The following LDLRAD4 variants were observed in gnomAD, a reference collection of about 807,000 sequenced individuals.
The protein encoded by LDLRAD4 is low density lipoprotein receptor class A domain containing 4, also known as low-density lipoprotein receptor class A domain-containing protein 4.
In LDLRAD4, 5 loss-of-function variants were observed where a neutral mutation model predicts 17.0. The ratio of observed to expected loss-of-function variants is 0.29; its 90% CI spans 0.15 to 0.62. The LOEUF is 0.62. Among genes scored for constraint, LDLRAD4 ranks in the 20% least tolerant of loss-of-function variants. The pLI, the probability that LDLRAD4 is intolerant of heterozygous loss-of-function variation, is 0.84. For missense variants in LDLRAD4, 340 were observed against 424.7 expected, an observed-to-expected ratio of 0.80 and a Z score of 1.75; for synonymous variants, 168 against 171.8, an observed-to-expected ratio of 0.98 and a Z score of 0.17.
intron 1 of LDLRAD4, among the ~76,000 whole-genome samples, chr18:13,354,871 G>A (rs1042783870): frequency 6.6e-6 from 1 of 152,182 alleles, no homozygotes; most frequent in African/African-American, 2.4e-5. Context: ...GCAGCTTAGG[G>A]TGGACCTTGT....
intron 1 of LDLRAD4, among the ~76,000 whole-genome samples, chr18:13,291,517 G>C (rs2045961489): frequency 6.6e-6 from 1 of 152,118 alleles, no homozygotes; most frequent in Admixed American, 6.5e-5. Flanking sequence ...GAGCTGCGGG[G>C]ACCTGGCCGG....
At chr18:13,550,594 G>A (rs112807339) in intron 3 of LDLRAD4, among the ~76,000 whole-genome samples, 3 of 152,332 alleles carry the variant, frequency 2.0e-5, no homozygotes, top group Non-Finnish European at 4.4e-5. Flanking sequence ...GAGTGCTGGC[G>A]ATGTTGATGC....
At chr18:13,506,538 GACCAAC>G (rs2093696950) in intron 3 of LDLRAD4, among the ~76,000 whole-genome samples, 1 of 151,976 alleles carries the variant, frequency 6.6e-6, no homozygotes, top group African/African-American at 2.4e-5. Context: ...GGGTGACAGG[GACCAAC>G]ACAGCTACAT....
chr18:13,572,221 G>T (rs1940913), intron 3 of LDLRAD4, among the ~76,000 whole-genome samples: 1 of 152,028 alleles, frequency 6.6e-6, no homozygotes, highest in Non-Finnish European at 1.5e-5. Context: ...CTACATTGGG[G>T]GTAGTGAAAT....
intron 3 of LDLRAD4, among the ~76,000 whole-genome samples, chr18:13,447,893 G>A (rs745840547): frequency 6.6e-6 from 1 of 152,200 alleles, no homozygotes; most frequent in East Asian, 1.9e-4. Context: ...GCAATGAGAC[G>A]CCGGCTTAAG....
intron 3 of LDLRAD4, among the ~76,000 whole-genome samples, chr18:13,551,359 G>A (rs1333775072): frequency 6.6e-6 from 1 of 152,150 alleles, no homozygotes; most frequent in Admixed American, 6.5e-5. Flanking sequence ...GATCTGTTTT[G>A]TTTTTAGTCT....
At chr18:13,459,035 C>G (rs1250885728) in intron 3 of LDLRAD4, among the ~76,000 whole-genome samples, 2 of 152,030 alleles carry the variant, frequency 1.3e-5, no homozygotes, top group African/African-American at 4.8e-5. Flanking sequence ...GTTTTAAGGC[C>G]AGGTGTGGTG....
chr18:13,484,875 C>T (rs915721849), intron 3 of LDLRAD4, among the ~76,000 whole-genome samples: 7 of 151,944 alleles, frequency 4.6e-5, no homozygotes, highest in Non-Finnish European at 1.0e-4. Flanking sequence ...TTAAGCCCAC[C>T]CTTGGATGCA....
At chr18:13,424,184 A>G (rs541849568) in intron 2 of LDLRAD4, among the ~76,000 whole-genome samples, 2 of 152,192 alleles carry the variant, frequency 1.3e-5, no homozygotes, top group East Asian at 3.9e-4. Flanking sequence ...TTTATTGGCT[A>G]CTGATTTGGA....
rs1424782699 is a variant in LDLRAD4, at chr18:13,621,854, T to G, written c.336+583T>G. On this transcript the variant is annotated intron_variant, in intron 4 of 5. Transcript: ENST00000359446. The surrounding 1 kb of genome is among the most constrained non-coding windows in gnomAD (Gnocchi z 5.5). ...CGGTAGGGTTGTCGGCGGTGGGTTG[T>G]GGAGGGTGGGGTTGTGGAGGGTGGG... 7.6e-6 allele frequency among the ~76,000 whole-genome samples: 1 copy of G among 132,128 alleles called. No homozygotes were observed. The highest frequency in any genetic ancestry group is 1.6e-5 in the Non-Finnish European group (1 of 62,168). The allele number at this position is 132,128 out of a possible 152,430, so 86.7% of individuals were successfully genotyped here. A position where few individuals can be genotyped will look rare whatever the true frequency, so the allele number is the denominator to read the frequency against.
intron 1 of LDLRAD4, among the ~76,000 whole-genome samples, chr18:13,337,595 A>C (rs1833118620): frequency 6.6e-6 from 1 of 152,150 alleles, no homozygotes; most frequent in African/African-American, 2.4e-5. Context: ...AATGATTTTC[A>C]ACATTCAGTT....
chr18:13,435,659 G>T (rs1326812738), intron 2 of LDLRAD4, among the ~76,000 whole-genome samples: 2 of 152,168 alleles, frequency 1.3e-5, no homozygotes, highest in Non-Finnish European at 2.9e-5. Flanking sequence ...TGTTGCCCAG[G>T]CTGCTCTAGA....
intron 1 of LDLRAD4, among the ~76,000 whole-genome samples, chr18:13,247,951 G>GC (rs56030309): frequency 0.42 from 60,383 of 142,320 alleles, 13,512 homozygotes; most frequent in African/African-American, 0.54. Flanking sequence ...ACACAGCGCC[G>GC]CCCCCCGCCT....
chr18:13,259,530 C>G (rs902077803), intron 1 of LDLRAD4, among the ~76,000 whole-genome samples: 1 of 152,154 alleles, frequency 6.6e-6, no homozygotes, highest in Non-Finnish European at 1.5e-5. Flanking sequence ...TAAAACATCC[C>G]ACGTCGGTAG....
intron 4 of LDLRAD4, among the ~76,000 whole-genome samples, chr18:13,639,303 A>G (rs2042327586): frequency 6.6e-6 from 1 of 152,026 alleles, no homozygotes; most frequent in Non-Finnish European, 1.5e-5. Flanking sequence ...GAGTGAAGAG[A>G]CCCCCAACCT....
intron 1 of LDLRAD4, among the ~76,000 whole-genome samples, chr18:13,263,526 G>A (rs1032548917): frequency 7.2e-5 from 11 of 152,206 alleles, no homozygotes; most frequent in South Asian, 2.1e-4. Flanking sequence ...AGAGAGGCAG[G>A]GGAGTCGAGG....
At chr18:13,371,722 A>G (rs1051540287) in intron 1 of LDLRAD4, among the ~76,000 whole-genome samples, 1 of 152,082 alleles carries the variant, frequency 6.6e-6, no homozygotes, top group Non-Finnish European at 1.5e-5. Context: ...CCGAGATCAC[A>G]CCACCACACT....
At chr18:13,583,479 A>G (rs1446188367) in intron 3 of LDLRAD4, among the ~76,000 whole-genome samples, 2 of 152,178 alleles carry the variant, frequency 1.3e-5, no homozygotes, top group Non-Finnish European at 2.9e-5. Flanking sequence ...TAGTACTAGA[A>G]TGCATGGGAT....
At chr18:13,439,832 T>C (rs1168468978) in intron 3 of LDLRAD4, among the ~76,000 whole-genome samples, 1 of 152,224 alleles carries the variant, frequency 6.6e-6, no homozygotes, top group Non-Finnish European at 1.5e-5. Flanking sequence ...TGAGGAACCC[T>C]GCTTGTTGGC....
Sources: allele counts gnomAD v4.1 joint callset (sites outside exome capture counted in the v4.1 genomes callset), GRCh38; gene constraint gnomAD v4.1.1; non-coding constraint Gnocchi (gnomAD v3.1); transcripts MANE v1.5; gene names NCBI Gene and HGNC (gene_info 2026-07-23, HGNC 2026-07-21).